Variants in KMT2C observed in about 807,000 individuals in gnomAD.
The protein encoded by KMT2C is histone-lysine N-methyltransferase 2C.
In KMT2C, 88 loss-of-function variants were observed where a neutral mutation model predicts 507.9. That is an observed-to-expected ratio of 0.17 (90% CI 0.15 to 0.21). The LOEUF is 0.21. Ranked by LOEUF, KMT2C falls within the 10% of genes least tolerant of loss-of-function variation. The pLI is 1.00. For missense variants in KMT2C, 4,954 were observed against 5,957.8 expected (o/e 0.83, Z 5.55); for synonymous variants, 2,049 against 2,080.8 (o/e 0.98, Z 0.42).
chr7:152,393,283 T>C (rs2097514238), intron 1 of KMT2C, among the ~76,000 whole-genome samples: 1 of 152,188 alleles, frequency 6.6e-6, no homozygotes, highest in Non-Finnish European at 1.5e-5. Context: ...CAATGGAGAT[T>C]CACTTTATTT....
chr7:152,372,757 C>T (rs1014891493), intron 1 of KMT2C, among the ~76,000 whole-genome samples: 1 of 152,006 alleles, frequency 6.6e-6, no homozygotes, highest in Non-Finnish European at 1.5e-5. Flanking sequence ...ATAGCAATAC[C>T]GTAATAGTGG....
At chr7:152,385,396 A>C (rs1171400439) in intron 1 of KMT2C, among the ~76,000 whole-genome samples, 1 of 135,720 alleles carries the variant, frequency 7.4e-6, no homozygotes. Context: ...GCGGATCACG[A>C]GGTCAGGAGA....
At chr7:152,363,010 T>G (rs1389747139) in intron 1 of KMT2C, among the ~76,000 whole-genome samples, 1 of 152,216 alleles carries the variant, frequency 6.6e-6, no homozygotes. Flanking sequence ...TGCTGCTCAT[T>G]GGCTTCTGCC....
rs1227713516 is a variant in KMT2C, at chr7:152,194,533, G to C, written c.4414C>G (p.Pro1472Ala). ...GAACTCTGATTGACATTTGGCTGAGGCAAAGAGGAAGGATCATCAGTGACA... is the reference window on the plus strand; with the variant it reads ...GAACTCTGATTGACATTTGGCTGAGCCAAAGAGGAAGGATCATCAGTGACA... The part of the protein sequence containing the change: ...GPVTDDPSSL[P>A]QPNVNQSSRP... The change falls in exon 29 of 59, where the codon CCT (proline) becomes GCT (alanine). Residue 1472 changes from proline (P) to alanine (A), a missense_variant. Around this residue, in one of 29 missense-constraint regions of KMT2C, gnomAD observed 140 missense variants for 118.4 expected, o/e 1.18. Coordinates refer to ENST00000262189, the MANE Select transcript of KMT2C (RefSeq NM_170606.3). 1 of 1,612,854 alleles carries C rather than the reference G, an allele frequency of 6.2e-7. No individual in the cohort carries two copies. The highest frequency in any genetic ancestry group is 2.2e-5 in the East Asian group (1 of 44,810).
chr7:152,408,582 T>G (rs944459007), intron 1 of KMT2C, among the ~76,000 whole-genome samples: 1 of 152,182 alleles, frequency 6.6e-6, no homozygotes, highest in Admixed American at 6.5e-5. Context: ...TAGATTCTCA[T>G]AGAAGCACAA....
rs568016700 is a variant in KMT2C, at chr7:152,144,318, G to A, written c.14343+395C>T. Among the ~76,000 whole-genome samples the A allele has an allele frequency of 3.3e-4, 50 of 152,300 alleles. No homozygotes were observed. Among genetic ancestry groups the A allele is most frequent in the African/African-American group, 1.2e-3 (48 of 41,566 alleles). Reference sequence around the variant, plus strand: ...CATGCACTGATTTCATGAAACGGTAGCTTCCAAAAGATAAGGTAACTTCCA... The same window carrying A: ...CATGCACTGATTTCATGAAACGGTAACTTCCAAAAGATAAGGTAACTTCCA... On this transcript the variant is annotated intron_variant, in intron 55 of 58. Coordinates refer to ENST00000262189, the MANE Select transcript of KMT2C (RefSeq NM_170606.3). The surrounding 1 kb of genome is among the most constrained non-coding windows in gnomAD (Gnocchi z 4.4).
intron 1 of KMT2C, chr7:152,367,152 G>A (rs781436205): frequency 1.9e-5 from 26 of 1,369,954 alleles, no homozygotes; most frequent in South Asian, 3.7e-5. Flanking sequence ...CTGGAGAAAC[G>A]AGGAAAATTC....
At chr7:152,360,294 G>A (rs1402309003) in intron 1 of KMT2C, among the ~76,000 whole-genome samples, 13 of 150,948 alleles carry the variant, frequency 8.6e-5, no homozygotes, top group African/African-American at 1.7e-4. Context: ...CCTGGCCTAC[G>A]TGGCGAAACC....
chr7:152,189,656 A>G (rs1156987162), intron 31 of KMT2C, among the ~76,000 whole-genome samples: 1 of 152,210 alleles, frequency 6.6e-6, no homozygotes, highest in African/African-American at 2.4e-5. Context: ...GACAAGTTTA[A>G]AAGATTTTGT....
chr7:152,171,191 TACTC>T, intron 40 of KMT2C, 69 bp downstream of exon 40: 7 of 963,352 alleles, frequency 7.3e-6, no homozygotes, highest in Non-Finnish European at 1.1e-5. Context: ...GCAGGGGACT[TACTC>T]TAAAGCATGA....
chr7:152,283,655 G>C (rs1053987225), intron 6 of KMT2C, among the ~76,000 whole-genome samples: 1 of 152,124 alleles, frequency 6.6e-6, no homozygotes, highest in African/African-American at 2.4e-5. Context: ...TCAATAAGGT[G>C]AACCAGATTC....
Position 152,274,014 on chromosome 7 carries a change from AT to A in KMT2C, c.850-148del, listed in dbSNP as rs1042358434. 24 of 729,384 alleles carry A rather than the reference AT, an allele frequency of 3.3e-5. No homozygotes were observed. In the African/African-American group the frequency reaches 3.8e-4, roughly 11 times the overall value. The allele number at this position is 729,384 out of a possible 1,614,324, so 45.2% of individuals were successfully genotyped here. ...ATATTAAACAAAGGATTCGTTAAAA[AT>A]AATAAAATCTACATTACTCAATTTA... On this transcript the variant is annotated intron_variant, in intron 6 of 58. Transcript: ENST00000262189.
Position 152,188,291 on chromosome 7 carries a change from G to C in KMT2C, c.4661-444C>G, listed in dbSNP as rs182910575. ...TGTACTAGAAATAGCAAGTGTTCTGGAGTCCAAAAGCCCAGGGTGTGAACC... is the reference window on the plus strand; with the variant it reads ...TGTACTAGAAATAGCAAGTGTTCTGCAGTCCAAAAGCCCAGGGTGTGAACC... On this transcript the variant is annotated intron_variant, in intron 31 of 58. Coordinates refer to ENST00000262189, the MANE Select transcript of KMT2C (RefSeq NM_170606.3). Among the ~76,000 whole-genome samples the C allele has an allele frequency of 1.5e-3, 225 of 152,140 alleles. 2 individuals carry two copies. The highest frequency in any genetic ancestry group is 2.6e-3 in the Admixed American group (39 of 15,288).
At chr7:152,379,541 AAAAC>A (rs1362537829) in intron 1 of KMT2C, among the ~76,000 whole-genome samples, 10 of 151,642 alleles carry the variant, frequency 6.6e-5, no homozygotes, top group South Asian at 2.1e-4. Context: ...CTGTCTCCAA[AAAAC>A]AAACAAACAA....
At chr7:152,387,355 C>T (rs1589649702) in intron 1 of KMT2C, among the ~76,000 whole-genome samples, 1 of 150,576 alleles carries the variant, frequency 6.6e-6, no homozygotes, top group African/African-American at 2.4e-5. Flanking sequence ...AACTTCATTT[C>T]AATCATTACT....
intron 1 of KMT2C, among the ~76,000 whole-genome samples, chr7:152,399,485 T>A (rs962003672): frequency 2.4e-4 from 36 of 151,998 alleles, no homozygotes; most frequent in African/African-American, 8.0e-4. Context: ...AGTTGGCACT[T>A]TGGGGTAAAA....
intron 6 of KMT2C, among the ~76,000 whole-genome samples, chr7:152,305,541 GT>G (rs1447683687): frequency 6.6e-6 from 1 of 152,004 alleles, no homozygotes; most frequent in Non-Finnish European, 1.5e-5. Context: ...AGCCTTACAG[GT>G]TAGCAAGGAA....
At chr7:152,358,480 A>G (rs2097170271) in intron 2 of KMT2C, 107 bp downstream of exon 2, 1 of 710,238 alleles carries the variant, frequency 1.4e-6, no homozygotes, top group South Asian at 2.7e-5. Flanking sequence ...AGTTCAGTAT[A>G]AAAACAAATG....
At chr7:152,295,063 G>GA (rs1194291064) in intron 6 of KMT2C, among the ~76,000 whole-genome samples, 4 of 151,270 alleles carry the variant, frequency 2.6e-5, no homozygotes, top group Admixed American at 2.0e-4. Flanking sequence ...ACTTAGACTT[G>GA]AAAAAAAAGA....
Sources: allele counts gnomAD v4.1 joint callset (sites outside exome capture counted in the v4.1 genomes callset), GRCh38; gene constraint gnomAD v4.1.1; regional missense constraint gnomAD v4.1.1; non-coding constraint Gnocchi (gnomAD v3.1); transcripts MANE v1.5; gene names NCBI Gene and HGNC (gene_info 2026-07-23, HGNC 2026-07-21).